The following PPHLN1 variants were observed in gnomAD, a reference collection of about 807,000 sequenced individuals.
The protein encoded by PPHLN1 is periphilin-1.
PPHLN1 carries 29 observed loss-of-function variants against 51.3 expected under a neutral mutation model. The observed-to-expected ratio is 0.57, with a 90% confidence interval of 0.42 to 0.77. The LOEUF is 0.77. Ranked by LOEUF, PPHLN1 falls within the 30% of genes least tolerant of loss-of-function variation. The pLI is 0.00. For synonymous variants in PPHLN1, 147 were observed against 147.8 expected (o/e 0.99, Z 0.04); for missense variants, 436 against 438.4 (o/e 0.99, Z 0.05).
downstream of PPHLN1, chr12:42,444,914 C>T (rs188776771): frequency 2.0e-3 from 1,189 of 601,792 alleles, 10 homozygotes; most frequent in East Asian, 0.022. Context: ...AACCACATAA[C>T]TCCCTCACTC....
chr12:42,443,065 C>A, downstream of PPHLN1: 21 of 239,354 alleles, frequency 8.8e-5, no homozygotes, highest in South Asian at 4.0e-4. Flanking sequence ...TTAGTTAAGG[C>A]TACTTTGGCC....
intron 3 of PPHLN1, among the ~76,000 whole-genome samples, chr12:42,354,725 A>T (rs1285374110): frequency 6.6e-6 from 1 of 152,210 alleles, no homozygotes; most frequent in Non-Finnish European, 1.5e-5. Flanking sequence ...ATTGAAAATA[A>T]GGTGAGAAAA....
chr12:42,375,540 G>C (rs930545970), intron 5 of PPHLN1, among the ~76,000 whole-genome samples: 2 of 151,964 alleles, frequency 1.3e-5, no homozygotes, highest in East Asian at 3.9e-4. Context: ...TCAAACTCCT[G>C]ATCTCGTGAT....
At chr12:42,442,656 C>T (rs1262320774), downstream of PPHLN1, 1 of 1,614,026 alleles carries the variant, frequency 6.2e-7, no homozygotes, top group South Asian at 1.1e-5. Flanking sequence ...GCAGGACAGA[C>T]TTGGCAGCAG....
chr12:42,346,041 G>A (rs958526498), intron 2 of PPHLN1, among the ~76,000 whole-genome samples: 3 of 152,092 alleles, frequency 2.0e-5, no homozygotes, highest in Non-Finnish European at 4.4e-5. Context: ...CTGTAGTGAA[G>A]GAGACAAACA....
chr12:42,352,985 A>G (rs2073570206), intron 3 of PPHLN1, among the ~76,000 whole-genome samples: 1 of 151,872 alleles, frequency 6.6e-6, no homozygotes, highest in African/African-American at 2.4e-5. Context: ...GCTACTTGGG[A>G]GGCTGAGGCA....
At chr12:42,446,015 G>T, downstream of PPHLN1, 2 of 1,543,990 alleles carry the variant, frequency 1.3e-6, no homozygotes, top group Non-Finnish European at 1.7e-6. Flanking sequence ...CCATACCATA[G>T]TGGGGCTAGG....
intron 5 of PPHLN1, among the ~76,000 whole-genome samples, chr12:42,384,011 A>T (rs948326394): frequency 8.0e-5 from 11 of 136,858 alleles, no homozygotes; most frequent in African/African-American, 2.9e-4. Context: ...AAAAAAAAAA[A>T]GCAAGAATCA....
Position 42,441,668 on chromosome 12 carries a change from T to C in PPHLN1, c.*159T>C. ...TTAAATAAACATCTAAAATAGTCTGTTTAAAATGTTTGATTCAAATTTTTG... is the reference window on the plus strand; with the variant it reads ...TTAAATAAACATCTAAAATAGTCTGCTTAAAATGTTTGATTCAAATTTTTG... On this transcript the variant is annotated 3_prime_UTR_variant, in exon 10 of 10. Transcript: ENST00000358314. 3 of 1,276,562 alleles carry C rather than the reference T, an allele frequency of 2.4e-6. No homozygotes were observed. Among genetic ancestry groups the C allele is most frequent in the Non-Finnish European group, 3.0e-6 (3 of 998,392 alleles). The allele number at this position is 1,276,562 out of a possible 1,614,324, so 79.1% of individuals were successfully genotyped here.
intron 2 of PPHLN1, among the ~76,000 whole-genome samples, chr12:42,336,759 C>T (rs1188328672): frequency 2.6e-5 from 4 of 152,190 alleles, no homozygotes; most frequent in African/African-American, 9.6e-5. Context: ...AAAAAGCTAA[C>T]TTAAACTTTT....
intron 1 of PPHLN1, among the ~76,000 whole-genome samples, chr12:42,327,727 T>G (rs2069024432): frequency 6.6e-6 from 1 of 152,244 alleles, no homozygotes; most frequent in Non-Finnish European, 1.5e-5. Context: ...TGTGTTTGTC[T>G]CGTTTATCTT....
chr12:42,393,645 G>C lies in PPHLN1; in HGVS notation c.724G>C (p.Glu242Gln), dbSNP rs2077929142. 1 of 1,611,248 alleles carries C rather than the reference G, an allele frequency of 6.2e-7. No homozygotes were observed. Among genetic ancestry groups the C allele is most frequent in the Admixed American group, 1.7e-5 (1 of 59,186 alleles). Residue 242 changes from glutamate (E) to glutamine (Q), a missense_variant, in exon 8 of 10, where the codon GAG (glutamate) becomes CAG (glutamine). Glu to Gln is a conservative substitution (Grantham distance 29). Transcript: ENST00000358314. ...AAGCAAGTGGGCTGCTGAAAAGCTAGAGAAATCAGATGAAAGTAACTTGCC... is the reference window on the plus strand; with the variant it reads ...AAGCAAGTGGGCTGCTGAAAAGCTACAGAAATCAGATGAAAGTAACTTGCC... ...AASKWAAEKLEKSDESNLPEI... is the reference protein window; with the variant it reads ...AASKWAAEKLQKSDESNLPEI...
At chr12:42,426,281 T>A (rs1418894353) in intron 9 of PPHLN1, among the ~76,000 whole-genome samples, 1 of 149,216 alleles carries the variant, frequency 6.7e-6, no homozygotes, top group Non-Finnish European at 1.5e-5. Context: ...TGACCTGCCT[T>A]CCAGACCCCT....
chr12:42,347,497 G>C (rs1290937129), intron 2 of PPHLN1, among the ~76,000 whole-genome samples: 1 of 152,156 alleles, frequency 6.6e-6, no homozygotes, highest in African/African-American at 2.4e-5. Context: ...CTTTTTGAAA[G>C]GGGCGGGCGC....
chr12:42,367,193 G>T (rs1478588226), intron 4 of PPHLN1, among the ~76,000 whole-genome samples: 2 of 152,186 alleles, frequency 1.3e-5, no homozygotes, highest in Non-Finnish European at 2.9e-5. Flanking sequence ...ATGAGAAAGG[G>T]TATCTTGATG....
At chr12:42,404,132 T>G (rs1221404970) in intron 9 of PPHLN1, among the ~76,000 whole-genome samples, 2 of 152,216 alleles carry the variant, frequency 1.3e-5, no homozygotes, top group Non-Finnish European at 2.9e-5. Flanking sequence ...AAGCCGTTTA[T>G]GTATGAAAAT....
rs1391503741 is a variant in PPHLN1, at chr12:42,415,373, T to C, written c.909+16379T>C. The stretch of plus-strand genomic sequence containing the variant: ...TTTTAATAGAGGCAAGGTTTCACCA[T>C]CTTGGCCAGGCTGGTCTTGGAACTC... On this transcript the variant is annotated intron_variant, in intron 9 of 9. Coordinates refer to ENST00000358314, the MANE Select transcript of PPHLN1 (RefSeq NM_201439.2). 4.6e-5 allele frequency among the ~76,000 whole-genome samples: 7 copies of C among 152,308 alleles called. No homozygotes were observed. In the South Asian group the frequency reaches 1.2e-3, roughly 27 times the overall value.
intron 5 of PPHLN1, among the ~76,000 whole-genome samples, chr12:42,379,903 A>C (rs970033074): frequency 3.3e-5 from 5 of 152,038 alleles, no homozygotes; most frequent in Non-Finnish European, 5.9e-5. Context: ...GAGGAGCATA[A>C]GGCCAACTGT....
intron 2 of PPHLN1, among the ~76,000 whole-genome samples, chr12:42,341,875 C>G (rs1656097870): frequency 6.6e-6 from 1 of 152,166 alleles, no homozygotes; most frequent in South Asian, 2.1e-4. Flanking sequence ...CCTGCCTTGG[C>G]CTCCCAAAGT....
Sources: gnomAD v4.1 joint callset for allele counts (sites outside exome capture counted in the v4.1 genomes callset) on GRCh38, gnomAD v4.1.1 for gene constraint, MANE v1.5 for transcripts, NCBI Gene and HGNC (gene_info 2026-07-23, HGNC 2026-07-21) for gene names.